The following RAB11FIP4 variants were observed in gnomAD, a reference collection of about 807,000 sequenced individuals.
The protein encoded by RAB11FIP4 is RAB11 family interacting protein 4.
RAB11FIP4 carries 23 observed loss-of-function variants against 74.3 expected under a neutral mutation model. That is an observed-to-expected ratio of 0.31 (90% CI 0.22 to 0.44). The LOEUF (loss-of-function observed/expected upper bound fraction) is 0.44. RAB11FIP4 is among the 20% of genes least tolerant of loss of function. RAB11FIP4 has a pLI of 1.00. For missense variants in RAB11FIP4, 630 were observed against 863.9 expected (o/e 0.73, Z 3.39); for synonymous variants, 360 against 359.9 (o/e 1.00, Z 0.00).
chr17:31,509,766 G>A (rs2072418409), intron 3 of RAB11FIP4, among the ~76,000 whole-genome samples: 1 of 152,174 alleles, frequency 6.6e-6, no homozygotes, highest in African/African-American at 2.4e-5. Context: ...TCGTGACCTG[G>A]CGACCTGGTG....
At chr17:31,463,218 T>C (rs960379174) in intron 3 of RAB11FIP4, among the ~76,000 whole-genome samples, 3 of 152,206 alleles carry the variant, frequency 2.0e-5, no homozygotes, top group African/African-American at 7.2e-5. Context: ...CAGGCAGGCC[T>C]GGGTTTGAGC....
At chr17:31,398,150 C>T (rs2070948620) in intron 1 of RAB11FIP4, among the ~76,000 whole-genome samples, 1 of 152,100 alleles carries the variant, frequency 6.6e-6, no homozygotes, top group Non-Finnish European at 1.5e-5. Context: ...GCGATTCTCT[C>T]ACCTCAGCCT....
intron 2 of RAB11FIP4, 21 bp from the exon 3 acceptor site, chr17:31,434,013 T>C (rs199723674): frequency 5.6e-5 from 88 of 1,568,510 alleles, no homozygotes; most frequent in Non-Finnish European, 7.5e-5. Context: ...CACTGTCCCG[T>C]GTGTCTGCCT....
At chr17:31,421,902 A>C (rs1178042676) in intron 1 of RAB11FIP4, among the ~76,000 whole-genome samples, 1 of 152,044 alleles carries the variant, frequency 6.6e-6, no homozygotes, top group Non-Finnish European at 1.5e-5. Context: ...ATTTGTTGCC[A>C]GACTCTGTGG....
intron 3 of RAB11FIP4, among the ~76,000 whole-genome samples, chr17:31,468,776 GC>G (rs1439015966): frequency 6.6e-6 from 1 of 151,786 alleles, no homozygotes; most frequent in African/African-American, 2.4e-5. Context: ...GTTGCAGTGA[GC>G]CAAGATCGCA....
intron 3 of RAB11FIP4, chr17:31,488,420 A>G: frequency 3.3e-6 from 3 of 907,580 alleles, no homozygotes; most frequent in Non-Finnish European, 4.0e-6. Context: ...CCGCGAGTAG[A>G]AGCCGCTGCC....
At chr17:31,478,096 G>A (rs1297426833) in intron 3 of RAB11FIP4, among the ~76,000 whole-genome samples, 3 of 150,686 alleles carry the variant, frequency 2.0e-5, no homozygotes, top group African/African-American at 7.3e-5. Context: ...GGGTTCAAGC[G>A]ATTCCCCTGC....
rs575596351 is a variant in RAB11FIP4, at chr17:31,483,285, T to C, written c.337-34366T>C. On this transcript the variant is annotated intron_variant, in intron 3 of 14. Coordinates refer to ENST00000621161, the MANE Select transcript of RAB11FIP4 (RefSeq NM_032932.6). ...CAAGCCCTGCTAAGATGGACCAGGT[T>C]TGACTGATGCTCACAGTCCTGATTA... 2.0e-5 allele frequency among the ~76,000 whole-genome samples: 3 copies of C among 151,968 alleles called. No homozygotes were observed. In the South Asian group the frequency reaches 6.2e-4, roughly 32 times the overall value.
chr17:31,411,344 A>G (rs2071093484), intron 1 of RAB11FIP4, among the ~76,000 whole-genome samples: 1 of 152,222 alleles, frequency 6.6e-6, no homozygotes, highest in South Asian at 2.1e-4. Flanking sequence ...AGCCTGGGCG[A>G]CAGAGTGCGA....
intron 3 of RAB11FIP4, among the ~76,000 whole-genome samples, chr17:31,489,854 C>T (rs1033226002): frequency 6.6e-6 from 1 of 151,074 alleles, no homozygotes; most frequent in Admixed American, 6.6e-5. Context: ...TGGACTTAGG[C>T]GAAGGGGGTG....
intron 3 of RAB11FIP4, among the ~76,000 whole-genome samples, chr17:31,468,351 G>A (rs775549556): frequency 4.6e-5 from 7 of 152,156 alleles, no homozygotes; most frequent in Non-Finnish European, 1.0e-4. Flanking sequence ...TGAGAGGCCT[G>A]GGGCAGAGTG....
At chr17:31,434,202 C>T (rs1211243773) in intron 3 of RAB11FIP4, 80 bp downstream of exon 3, 2 of 1,205,274 alleles carry the variant, frequency 1.7e-6, no homozygotes, top group African/African-American at 1.5e-5. Context: ...TTTTCAGTAT[C>T]TGGGAGGACC....
intron 3 of RAB11FIP4, among the ~76,000 whole-genome samples, chr17:31,435,886 G>A (rs577142669): frequency 3.3e-5 from 5 of 152,390 alleles, no homozygotes; most frequent in African/African-American, 9.6e-5. Context: ...TCAGGGATGC[G>A]TGGAGATAGC....
At chr17:31,396,993 G>T (rs1431107726) in intron 1 of RAB11FIP4, among the ~76,000 whole-genome samples, 1 of 152,144 alleles carries the variant, frequency 6.6e-6, no homozygotes, top group African/African-American at 2.4e-5. Context: ...GGTTAAGCCT[G>T]GGTCTTTGAA....
At chr17:31,460,365 G>A (rs565838099) in intron 3 of RAB11FIP4, among the ~76,000 whole-genome samples, 25 of 152,326 alleles carry the variant, frequency 1.6e-4, no homozygotes, top group East Asian at 1.2e-3. Flanking sequence ...ACCTGGGTCC[G>A]AATCACAGCT....
intron 1 of RAB11FIP4, among the ~76,000 whole-genome samples, chr17:31,407,302 G>A (rs758959403): frequency 1.8e-4 from 27 of 151,984 alleles, no homozygotes; most frequent in Admixed American, 7.9e-4. Flanking sequence ...TCCTGCCTCA[G>A]CCTCCCAAAG....
chr17:31,489,019 A>C (rs1018296340), intron 3 of RAB11FIP4, among the ~76,000 whole-genome samples: 28 of 151,086 alleles, frequency 1.9e-4, no homozygotes, highest in African/African-American at 6.3e-4. Flanking sequence ...CTTTTCCCTC[A>C]CCCTGCTCTC....
intron 1 of RAB11FIP4, among the ~76,000 whole-genome samples, chr17:31,393,525 C>G (rs1043038507): frequency 6.6e-6 from 1 of 152,238 alleles, no homozygotes. Context: ...ACGTGCCCAG[C>G]AAGCCTCACC....
chr17:31,438,799 C>T (rs1297080932), intron 3 of RAB11FIP4, among the ~76,000 whole-genome samples: 1 of 152,170 alleles, frequency 6.6e-6, no homozygotes, highest in African/African-American at 2.4e-5. Context: ...TTGTCAGGAG[C>T]TAACGTCTAC....
Sources: gnomAD v4.1 joint callset for allele counts (sites outside exome capture counted in the v4.1 genomes callset) on GRCh38, gnomAD v4.1.1 for gene constraint, MANE v1.5 for transcripts, NCBI Gene and HGNC (gene_info 2026-07-23, HGNC 2026-07-21) for gene names.